The following CELA3A variants were observed in gnomAD, a reference collection of about 807,000 sequenced individuals.
The protein encoded by CELA3A is chymotrypsin like elastase 3A.
A neutral mutation model predicts 38.6 loss-of-function variants in CELA3A; 35 were observed. The ratio of observed to expected loss-of-function variants is 0.91; its 90% CI spans 0.69 to 1.20. The LOEUF is 1.20. Among genes scored for constraint, CELA3A ranks in the 50% most tolerant of loss-of-function variants. The pLI, the probability that CELA3A is intolerant of heterozygous loss-of-function variation, is 0.00. For synonymous variants in CELA3A, 143 were observed against 136.7 expected, an observed-to-expected ratio of 1.05 and a Z score of -0.32; for missense variants, 343 against 354.2, an observed-to-expected ratio of 0.97 and a Z score of 0.25.
chr1:22,011,993 C>A lies in CELA3A; in HGVS notation c.796-457C>A, dbSNP rs1425998229. ...GCATGAACCCAAGAAGTGGAGGTTG[C>A]AGTGAGTTGAGATCGTGCACTCCAG... On this transcript the variant is annotated intron_variant, in intron 7 of 7. Transcript: ENST00000290122. Among the ~76,000 whole-genome samples the A allele has an allele frequency of 7.9e-5, 10 of 125,892 alleles. 2 individuals carry two copies. The highest frequency in any genetic ancestry group is 3.0e-4 in the African/African-American group (9 of 30,480). 82.6% of individuals were successfully genotyped at this position (125,892 alleles called of 152,430 possible). A position where few individuals can be genotyped will look rare whatever the true frequency, so the allele number is the denominator to read the frequency against.
At position 22,005,777 on chromosome 1, in the gene CELA3A, C is replaced by T. The variant is rs760243522; in HGVS notation, c.343C>T (p.Arg115Cys). Residue 115 changes from arginine to cysteine, a missense_variant, in exon 4 of 8, where the codon CGC becomes TGC. Coordinates refer to ENST00000290122, the MANE Select transcript of CELA3A (RefSeq NM_005747.5). ...EELFVHPLWN[R>C]SCVACGNDIA... The stretch of plus-strand genomic sequence containing the variant: ...GCTGTTTGTGCATCCACTCTGGAAC[C>T]GCTCGTGTGTGGCCTGTGGGTGAGT... 5 of 1,611,668 alleles carry T rather than the reference C, an allele frequency of 3.1e-6. No individual in the cohort carries two copies. The highest frequency in any genetic ancestry group is 2.2e-5 in the East Asian group (1 of 44,728).
At chr1:22,010,558 G>GGGGT (rs1644977257) in intron 7 of CELA3A, 1 of 184,406 alleles carries the variant, frequency 5.4e-6, no homozygotes, top group African/African-American at 2.6e-5. Flanking sequence ...GGAGGTTGCA[G>GGGGT]TTAGTCGAGA....
At chr1:22,003,497 C>A (rs147109197) in intron 2 of CELA3A, among the ~76,000 whole-genome samples, 3,450 of 150,644 alleles carry the variant, frequency 0.023, 111 homozygotes, top group Non-Finnish European at 0.034. Flanking sequence ...GAAGGCTGGA[C>A]TTGATGTGCT....
chr1:22,009,580 A>T, intron 6 of CELA3A, 125 bp from the exon 7 acceptor site: 5 of 1,218,514 alleles, frequency 4.1e-6, no homozygotes, highest in Non-Finnish European at 5.6e-6. Flanking sequence ...ATGATAAAAA[A>T]ATGAGCGAGC....
At chr1:22,004,335 A>G (rs939543432) in intron 2 of CELA3A, among the ~76,000 whole-genome samples, 1 of 150,886 alleles carries the variant, frequency 6.6e-6, no homozygotes, top group African/African-American at 2.5e-5. Flanking sequence ...GACCTCCCAC[A>G]GTGCTGGGAT....
Position 22,011,595 on chromosome 1 carries a change from C to T in CELA3A, c.796-855C>T, listed in dbSNP as rs1308365771. On this transcript the variant is annotated intron_variant, in intron 7 of 7. Transcript: ENST00000290122. The stretch of plus-strand genomic sequence containing the variant: ...CCAATATGGTGAAACCCTGTCTCTA[C>T]AAAAATATAAAAAAATTGGCCAGGC... Among the ~76,000 whole-genome samples the T allele has an allele frequency of 3.2e-5, 4 of 126,418 alleles. 1 individual carries two copies. The highest frequency in any genetic ancestry group is 6.5e-5 in the Non-Finnish European group (4 of 61,600). The allele number at this position is 126,418 out of a possible 152,430, so 82.9% of individuals were successfully genotyped here. A position where few individuals can be genotyped will look rare whatever the true frequency, so the allele number is the denominator to read the frequency against.
At chr1:22,004,009 T>G (rs575747824) in intron 2 of CELA3A, among the ~76,000 whole-genome samples, 1 of 150,698 alleles carries the variant, frequency 6.6e-6, no homozygotes, top group South Asian at 2.1e-4. Context: ...CAGCTGAAAT[T>G]TACTTACATT....
At chr1:22,007,994 A>C (rs575868008) in intron 6 of CELA3A, among the ~76,000 whole-genome samples, 1 of 150,262 alleles carries the variant, frequency 6.7e-6, no homozygotes, top group Admixed American at 6.6e-5. Context: ...CTACAGAAAA[A>C]CTTTTTTTAC....
In CELA3A at chr1:22,007,029, C is replaced by A; in HGVS notation, c.499+15C>A. 5 of 1,610,736 alleles carry A rather than the reference C, an allele frequency of 3.1e-6. No individual in the cohort carries two copies. Among genetic ancestry groups the A allele is most frequent in the Non-Finnish European group, 4.2e-6 (5 of 1,178,416 alleles). On this transcript the variant is annotated intron_variant, in intron 5 of 7. Coordinates refer to ENST00000290122, the MANE Select transcript of CELA3A (RefSeq NM_005747.5). Reference sequence around the variant, plus strand: ...CCGTCTCTATAGTACGTGCTGACTTCTCTAGCTGGCCACAGAGACAGTGGC... The same window carrying A: ...CCGTCTCTATAGTACGTGCTGACTTATCTAGCTGGCCACAGAGACAGTGGC...
intron 7 of CELA3A, chr1:22,010,146 G>C (rs1467176482): frequency 4.7e-6 from 2 of 429,496 alleles, no homozygotes; most frequent in African/African-American, 4.2e-5. Flanking sequence ...AGGGAGGATA[G>C]AGAGACATGC....
intron 4 of CELA3A, chr1:22,006,011 T>A (rs1644948046): frequency 1.4e-6 from 1 of 740,444 alleles, no homozygotes; most frequent in Non-Finnish European, 2.2e-6. Context: ...CAAACCTGTC[T>A]CCCTACAGAG....
intron 2 of CELA3A, among the ~76,000 whole-genome samples, chr1:22,004,135 G>A (rs1445054895): frequency 6.9e-6 from 1 of 144,108 alleles, no homozygotes; most frequent in East Asian, 2.0e-4. Context: ...GCAGTGGTGT[G>A]ATCTCAGCTT....
intron 2 of CELA3A, among the ~76,000 whole-genome samples, chr1:22,004,071 C>G (rs1445136794): frequency 9.0e-5 from 7 of 77,830 alleles, no homozygotes; most frequent in East Asian, 4.7e-4. Flanking sequence ...CTTTTCTTTT[C>G]TTTGTTTTTT....
chr1:22,007,541 G>A (rs1304664392), intron 6 of CELA3A, 26 bp downstream of exon 6: 2 of 1,599,584 alleles, frequency 1.3e-6, no homozygotes, highest in South Asian at 2.2e-5. Flanking sequence ...CCTGCCCGAG[G>A]TGGTGCTGGG....
intron 5 of CELA3A, 141 bp downstream of exon 5, chr1:22,007,155 C>G: frequency 7.1e-7 from 1 of 1,415,482 alleles, no homozygotes; most frequent in Non-Finnish European, 9.5e-7. Flanking sequence ...TTCCATCAAC[C>G]TCCAAAACAC....
At chr1:22,003,888 G>C (rs1177308340) in intron 2 of CELA3A, among the ~76,000 whole-genome samples, 10 of 149,136 alleles carry the variant, frequency 6.7e-5, no homozygotes, top group Admixed American at 6.7e-4. Context: ...ATTTTTAGTA[G>C]AGACAGGGTT....
At position 22,007,470 on chromosome 1, in the gene CELA3A, G is replaced by A. The variant is rs1167022319; in HGVS notation, c.597G>A (p.Lys199=). 6.2e-7 allele frequency: 1 copy of A among 1,612,476 alleles called. No homozygotes were observed. Among genetic ancestry groups the A allele is most frequent in the African/African-American group, 1.3e-5 (1 of 74,330 alleles). The change falls in exon 6 of 8, where the codon AAG becomes AAA. Residue 199 remains lysine (K), a synonymous_variant. Coordinates refer to ENST00000290122, the MANE Select transcript of CELA3A (RefSeq NM_005747.5). ...SRWNWWGSTV[K]KTMVCAGGYI... is the part of the protein sequence containing the mutation. ...GGAACTGGTGGGGTTCCACCGTGAA[G>A]AAAACCATGGTGTGTGCTGGAGGGT...
At position 22,001,686 on chromosome 1, in the gene CELA3A, G is replaced by A. The variant is rs1460794810; in HGVS notation, c.12G>A (p.Arg4=). 3.1e-6 allele frequency: 5 copies of A among 1,612,088 alleles called. No individual in the cohort carries two copies. The highest frequency in any genetic ancestry group is 1.7e-5 in the Admixed American group (1 of 59,886). MML[R]LLSSLLLVAV... Reference sequence around the variant, plus strand: ...TCATCACAAAACTCATGATGCTCCGGCTGCTCAGTTCCCTCCTCCTTGTGG... The same window carrying A: ...TCATCACAAAACTCATGATGCTCCGACTGCTCAGTTCCCTCCTCCTTGTGG... The change falls in exon 1 of 8, where the codon CGG becomes CGA. Residue 4 remains arginine, a synonymous_variant. Transcript: ENST00000290122.
At chr1:22,004,017 A>C (rs1196209961) in intron 2 of CELA3A, among the ~76,000 whole-genome samples, 1 of 149,398 alleles carries the variant, frequency 6.7e-6, no homozygotes, top group Non-Finnish European at 1.5e-5. Flanking sequence ...ATTTACTTAC[A>C]TTAAAAATGT....
Sources: gnomAD v4.1 joint callset for allele counts (sites outside exome capture counted in the v4.1 genomes callset) on GRCh38, gnomAD v4.1.1 for gene constraint, MANE v1.5 for transcripts, NCBI Gene and HGNC (gene_info 2026-07-23, HGNC 2026-07-21) for gene names.